GLRA1: variants seen among roughly 807,000 people sequenced by gnomAD.
GLRA1 encodes the protein glycine receptor alpha 1, also known as glycine receptor subunit alpha-1.
GLRA1 carries 37 observed loss-of-function variants against 48.3 expected under a neutral mutation model. The ratio of observed to expected loss-of-function variants is 0.77; its 90% confidence interval spans 0.59 to 1.01. The LOEUF is 1.01. Among genes scored for constraint, GLRA1 ranks in the 50% least tolerant of loss-of-function variants. The pLI is 0.00. For synonymous variants in GLRA1, 196 were observed against 210.7 expected (o/e 0.93, Z 0.60); for missense variants, 427 against 571.0 (o/e 0.75, Z 2.57).
chr5:151,853,940 T>C (rs372701267), intron 6 of GLRA1, among the ~76,000 whole-genome samples: 2 of 152,224 alleles, frequency 1.3e-5, no homozygotes, highest in African/African-American at 4.8e-5. Context: ...AGTTGATGGA[T>C]ATGTTACTTA....
At position 151,855,101 on chromosome 5, in the gene GLRA1, C is replaced by T. The variant is rs377524694; in HGVS notation, c.636G>A (p.Leu212=). The change falls in exon 6 of 9, where the codon CTG becomes CTA. Residue 212 remains leucine, a synonymous_variant. Transcript: ENST00000274576. ...GAVQVADGLT[L]PQFILKEEKD... is the part of the protein sequence containing the mutation. Reference sequence around the variant, plus strand: ...TCTCTTCCTTCAAGATAAACTGGGGCAGAGTTAGTCCATCTGCTACCTGCA... The same window carrying T: ...TCTCTTCCTTCAAGATAAACTGGGGTAGAGTTAGTCCATCTGCTACCTGCA... 1.5e-5 allele frequency: 24 copies of T among 1,613,974 alleles called. No homozygotes were observed. The African/African-American group carries it at 2.9e-4, about 20-fold the overall frequency.
At chr5:151,843,016 A>G (rs1174824652) in intron 7 of GLRA1, among the ~76,000 whole-genome samples, 1 of 152,200 alleles carries the variant, frequency 6.6e-6, no homozygotes, top group Non-Finnish European at 1.5e-5. Flanking sequence ...TATCTGTACA[A>G]CACCTGTTAT....
At chr5:151,877,380 C>T (rs73285974) in intron 3 of GLRA1, among the ~76,000 whole-genome samples, 2,603 of 152,236 alleles carry the variant, frequency 0.017, 80 homozygotes, top group African/African-American at 0.058. Context: ...AGGACTAAAA[C>T]AGAACTCTAT....
chr5:151,899,775 C>A (rs1754318496), intron 1 of GLRA1, among the ~76,000 whole-genome samples: 1 of 152,084 alleles, frequency 6.6e-6, no homozygotes, highest in Non-Finnish European at 1.5e-5. Context: ...CTGCTAAGCA[C>A]CCCTGGGAAC....
intron 4 of GLRA1, 53 bp from the exon 5 acceptor site, chr5:151,856,436 G>T: frequency 8.7e-7 from 1 of 1,153,240 alleles, no homozygotes; most frequent in Non-Finnish European, 1.3e-6. Context: ...CAGGGAGGCT[G>T]TGCCTCTATT....
intron 8 of GLRA1, among the ~76,000 whole-genome samples, chr5:151,825,653 T>C (rs1319514988): frequency 6.6e-6 from 1 of 152,186 alleles, no homozygotes; most frequent in Non-Finnish European, 1.5e-5. Context: ...GCTAGTAGTA[T>C]GCCTGCTGAG....
intron 2 of GLRA1, among the ~76,000 whole-genome samples, chr5:151,890,103 A>G (rs1353986472): frequency 6.6e-6 from 1 of 152,210 alleles, no homozygotes; most frequent in Non-Finnish European, 1.5e-5. Context: ...AAATAAATAA[A>G]TGAACAAATA....
At chr5:151,922,062 G>A (rs2113468162) in intron 1 of GLRA1, among the ~76,000 whole-genome samples, 1 of 152,280 alleles carries the variant, frequency 6.6e-6, no homozygotes, top group South Asian at 2.1e-4. Flanking sequence ...ATGTGCTGAT[G>A]CAGCATGTCT....
intron 7 of GLRA1, among the ~76,000 whole-genome samples, chr5:151,837,857 G>A (rs1039460963): frequency 3.3e-5 from 5 of 152,126 alleles, no homozygotes; most frequent in African/African-American, 4.8e-5. Flanking sequence ...AATACCTAAC[G>A]TAGATGATGG....
chr5:151,878,715 C>G (rs1270493890), intron 3 of GLRA1, among the ~76,000 whole-genome samples: 2 of 152,174 alleles, frequency 1.3e-5, no homozygotes, highest in Non-Finnish European at 2.9e-5. Context: ...AAGGTGGAAG[C>G]CCCAAGCCTT....
chr5:151,852,080 T>C (rs1752927585), intron 6 of GLRA1, among the ~76,000 whole-genome samples: 1 of 152,162 alleles, frequency 6.6e-6, no homozygotes, highest in African/African-American at 2.4e-5. Context: ...ACAAGGCAGT[T>C]CCCATTACCT....
chr5:151,868,748 A>T (rs1189697579), intron 3 of GLRA1, among the ~76,000 whole-genome samples: 3 of 152,134 alleles, frequency 2.0e-5, no homozygotes, highest in Non-Finnish European at 4.4e-5. Flanking sequence ...TAGATTTAGC[A>T]GTCTGCTAGT....
chr5:151,864,323 T>C (rs1332793593), intron 3 of GLRA1, among the ~76,000 whole-genome samples: 1 of 152,224 alleles, frequency 6.6e-6, no homozygotes, highest in Non-Finnish European at 1.5e-5. Flanking sequence ...TGGCATTTCT[T>C]AAAATGGTCT....
intron 7 of GLRA1, among the ~76,000 whole-genome samples, chr5:151,834,753 C>T (rs566175235): frequency 5.7e-4 from 87 of 152,026 alleles, no homozygotes; most frequent in Admixed American, 1.1e-3. Flanking sequence ...AGAGGCTGGG[C>T]GTGGTGGCTC....
At chr5:151,915,697 A>T (rs1449565327) in intron 1 of GLRA1, among the ~76,000 whole-genome samples, 2 of 144,772 alleles carry the variant, frequency 1.4e-5, no homozygotes, top group African/African-American at 5.3e-5. Context: ...ACATGTGTGT[A>T]TGTAATGTAT....
intron 3 of GLRA1, among the ~76,000 whole-genome samples, chr5:151,885,150 T>TG (rs1017304018): frequency 6.6e-6 from 1 of 152,240 alleles, no homozygotes; most frequent in African/African-American, 2.4e-5. Context: ...TCTGCCAGCC[T>TG]GGGACTGAAA....
chr5:151,885,683 C>T (rs951557958), intron 3 of GLRA1, among the ~76,000 whole-genome samples: 1 of 152,156 alleles, frequency 6.6e-6, no homozygotes, highest in African/African-American at 2.4e-5. Flanking sequence ...GCAATCGGTG[C>T]AGCTAGAGTA....
intron 3 of GLRA1, among the ~76,000 whole-genome samples, chr5:151,871,569 C>CT (rs1242924982): frequency 7.8e-5 from 10 of 127,552 alleles, no homozygotes; most frequent in South Asian, 5.3e-4. Context: ...TTTTTTTTTT[C>CT]TTTTTTTTTG....
intron 8 of GLRA1, among the ~76,000 whole-genome samples, chr5:151,823,967 C>T (rs1763210504): frequency 6.6e-6 from 1 of 151,750 alleles, no homozygotes; most frequent in Non-Finnish European, 1.5e-5. Context: ...GTTTTGGTCT[C>T]AGCTGTTGAT....
Sources: allele counts gnomAD v4.1 joint callset (sites outside exome capture counted in the v4.1 genomes callset), GRCh38; gene constraint gnomAD v4.1.1; transcripts MANE v1.5; gene names NCBI Gene and HGNC (gene_info 2026-07-23, HGNC 2026-07-21).